The following CDH12 variants were observed in gnomAD, a reference collection of about 807,000 sequenced individuals.
The protein encoded by CDH12 is cadherin 12.
In CDH12, 41 loss-of-function variants were observed where a neutral mutation model predicts 74.1. The ratio of observed to expected loss-of-function variants is 0.55; its 90% CI spans 0.43 to 0.72. The LOEUF (loss-of-function observed/expected upper bound fraction) is 0.72. Among genes scored for constraint, CDH12 ranks in the 30% least tolerant of loss-of-function variants. CDH12 has a pLI of 0.00. For synonymous variants in CDH12, 399 were observed against 355.0 expected (o/e 1.12, Z -1.39); for missense variants, 945 against 977.2 (o/e 0.97, Z 0.44).
intron 2 of CDH12, among the ~76,000 whole-genome samples, chr5:22,478,274 C>A (rs1383675139): frequency 6.6e-6 from 1 of 151,554 alleles, no homozygotes; most frequent in Non-Finnish European, 1.5e-5. Context: ...AAAAATAAGC[C>A]GGGCGAGGTG....
intron 3 of CDH12, among the ~76,000 whole-genome samples, chr5:22,322,041 C>T (rs1235213462): frequency 6.6e-6 from 1 of 152,002 alleles, no homozygotes; most frequent in African/African-American, 2.4e-5. Flanking sequence ...AATGGACAAC[C>T]TCAGAATATC....
At chr5:22,073,934 C>T (rs1742126979) in intron 5 of CDH12, among the ~76,000 whole-genome samples, 2 of 152,102 alleles carry the variant, frequency 1.3e-5, no homozygotes, top group Admixed American at 6.6e-5. Context: ...CACATACGCT[C>T]TTTCTACCAA....
chr5:22,694,496 T>C (rs1245584262), intron 1 of CDH12, among the ~76,000 whole-genome samples: 2 of 152,140 alleles, frequency 1.3e-5, no homozygotes, highest in Non-Finnish European at 2.9e-5. Context: ...AATTGCCAAA[T>C]ACTCTATTGT....
rs545065810 is a variant in CDH12, at chr5:22,196,425, G to A, written c.-187+16073C>T. 6.6e-5 allele frequency among the ~76,000 whole-genome samples: 10 copies of A among 152,210 alleles called. No individual in the cohort carries two copies. In the South Asian group the frequency reaches 1.0e-3, roughly 16 times the overall value. Reference sequence around the variant, plus strand: ...CCCAAAGTGCTGGGATTACAGGCATGAGCCACTGTGCCTGGCCTGTATGTA... The same window carrying A: ...CCCAAAGTGCTGGGATTACAGGCATAAGCCACTGTGCCTGGCCTGTATGTA... On this transcript the variant is annotated intron_variant, in intron 4 of 14. Coordinates refer to ENST00000382254, the MANE Select transcript of CDH12 (RefSeq NM_004061.5).
chr5:22,709,482 T>C (rs1313887284), intron 1 of CDH12, among the ~76,000 whole-genome samples: 2 of 152,178 alleles, frequency 1.3e-5, no homozygotes, highest in Admixed American at 6.5e-5. Flanking sequence ...TAATTTTAAA[T>C]TTCTGCCAGT....
At chr5:21,754,627 T>C (rs1744281432) in intron 14 of CDH12, among the ~76,000 whole-genome samples, 1 of 152,194 alleles carries the variant, frequency 6.6e-6, no homozygotes, top group African/African-American at 2.4e-5. Flanking sequence ...CAAGCTACCA[T>C]ATAACGCGTT....
chr5:22,204,421 G>A (rs566992162), intron 4 of CDH12, among the ~76,000 whole-genome samples: 7 of 152,038 alleles, frequency 4.6e-5, no homozygotes, highest in Admixed American at 1.3e-4. Flanking sequence ...TCGGCCTCCC[G>A]AAGTGCTGGG....
At chr5:21,797,569 T>C (rs1478335592) in intron 10 of CDH12, among the ~76,000 whole-genome samples, 2 of 152,112 alleles carry the variant, frequency 1.3e-5, no homozygotes, top group African/African-American at 4.8e-5. Flanking sequence ...ATTAGATCCA[T>C]CTGTGTCAAG....
At chr5:22,164,860 C>G (rs996336872) in intron 4 of CDH12, among the ~76,000 whole-genome samples, 5 of 142,664 alleles carry the variant, frequency 3.5e-5, no homozygotes, top group African/African-American at 1.3e-4. Context: ...CCTAGGAAAT[C>G]CAGCTAGTCT....
chr5:22,154,894 A>G (rs1274657533), intron 4 of CDH12, among the ~76,000 whole-genome samples: 1 of 152,022 alleles, frequency 6.6e-6, no homozygotes, highest in Non-Finnish European at 1.5e-5. Flanking sequence ...GTGCTGGCCA[A>G]CTGCATCCTC....
At chr5:22,183,989 G>T (rs11748690) in intron 4 of CDH12, among the ~76,000 whole-genome samples, 55,738 of 151,168 alleles carry the variant, frequency 0.37, 11,856 homozygotes, top group East Asian at 0.73. Flanking sequence ...AGAACGGCTA[G>T]TTTGCAAAGG....
At chr5:22,058,596 A>G (rs1283786070) in intron 5 of CDH12, among the ~76,000 whole-genome samples, 1 of 151,318 alleles carries the variant, frequency 6.6e-6, no homozygotes, top group African/African-American at 2.4e-5. Flanking sequence ...GGCCCCTATT[A>G]TTTCCTAAAT....
At chr5:22,259,626 A>C (rs904080014) in intron 3 of CDH12, among the ~76,000 whole-genome samples, 7 of 152,100 alleles carry the variant, frequency 4.6e-5, no homozygotes, top group African/African-American at 1.7e-4. Flanking sequence ...AGAATAATGA[A>C]ACTACCAGTG....
At chr5:22,483,770 A>ATATATATATATATATATAT (rs1400461763) in intron 2 of CDH12, among the ~76,000 whole-genome samples, 305 of 100,872 alleles carry the variant, frequency 3.0e-3, no homozygotes, top group Middle Eastern at 4.5e-3. Flanking sequence ...ATATAAATTT[A>ATATATATATATATATATAT]ATTAATTGGG....
chr5:22,214,255 C>A (rs1483776091), intron 3 of CDH12, among the ~76,000 whole-genome samples: 1 of 152,076 alleles, frequency 6.6e-6, no homozygotes, highest in Non-Finnish European at 1.5e-5. Flanking sequence ...GGGGCTGTAG[C>A]CTCCCATGCA....
At chr5:22,721,660 T>TA (rs1218256538) in intron 1 of CDH12, among the ~76,000 whole-genome samples, 1 of 152,118 alleles carries the variant, frequency 6.6e-6, no homozygotes, top group Non-Finnish European at 1.5e-5. Context: ...GACAGAATGA[T>TA]ATGGTTTGTC....
intron 4 of CDH12, among the ~76,000 whole-genome samples, chr5:22,182,545 G>A (rs1749703567): frequency 6.6e-6 from 1 of 152,102 alleles, no homozygotes; most frequent in Admixed American, 6.5e-5. Flanking sequence ...ATGCAGGGTG[G>A]GAGCACAGTT....
intron 2 of CDH12, among the ~76,000 whole-genome samples, chr5:22,416,844 G>GACT (rs1359088149): frequency 6.6e-6 from 1 of 152,134 alleles, no homozygotes; most frequent in Admixed American, 6.5e-5. Context: ...ACCAAGACAG[G>GACT]ACTGTACGGT....
In CDH12 at chr5:22,697,931, T is replaced by C. The variant is rs371995996; in HGVS notation, c.-523+155127A>G. On this transcript the variant is annotated intron_variant, in intron 1 of 14. Transcript: ENST00000382254. ...TGTCTCCAAGCCAGGAAGAGAGACA[T>C]CACCAGAAACCAGTCTTTGATCTTG... Among the ~76,000 whole-genome samples the C allele has an allele frequency of 4.6e-5, 7 of 152,090 alleles. No homozygotes were observed. The East Asian group carries it at 1.2e-3, about 25-fold the overall frequency.
Sources: allele counts gnomAD v4.1 joint callset (sites outside exome capture counted in the v4.1 genomes callset), GRCh38; gene constraint gnomAD v4.1.1; transcripts MANE v1.5; gene names NCBI Gene and HGNC (gene_info 2026-07-23, HGNC 2026-07-21).